Variants in MCM8 observed in about 807,000 individuals in gnomAD.
MCM8 encodes DNA helicase MCM8.
A neutral mutation model predicts 98.9 loss-of-function variants in MCM8; 85 were observed. That is an observed-to-expected ratio of 0.86 (90% CI 0.72 to 1.03). The LOEUF is 1.03. Ranked by LOEUF, MCM8 falls within the 50% of genes least tolerant of loss-of-function variation. The probability of loss-of-function intolerance (pLI) is 0.00; values close to 1 mark genes in which losing one functional copy is unlikely to be tolerated. For synonymous variants in MCM8, 352 were observed against 338.6 expected (o/e 1.04, Z -0.44); for missense variants, 951 against 997.8 (o/e 0.95, Z 0.63).
At chr20:5,968,477 G>A (rs2089327472) in intron 10 of MCM8, among the ~76,000 whole-genome samples, 1 of 152,202 alleles carries the variant, frequency 6.6e-6, no homozygotes, top group South Asian at 2.1e-4. Flanking sequence ...CCGGGAGATG[G>A]AGATTGCAGT....
At chr20:5,952,661 A>C (rs2088864600) in intron 3 of MCM8, 133 bp downstream of exon 3, 4 of 738,866 alleles carry the variant, frequency 5.4e-6, no homozygotes, top group Non-Finnish European at 8.8e-6. Flanking sequence ...CCAAACAATT[A>C]AATGATGTTT....
At chr20:5,954,729 A>C in intron 4 of MCM8, 39 bp downstream of exon 4, 1 of 1,217,664 alleles carries the variant, frequency 8.2e-7, no homozygotes, top group Non-Finnish European at 1.2e-6. Flanking sequence ...GTCATGTGCC[A>C]TCTTACCAAT....
At chr20:5,960,839 G>A (rs749045004) in intron 7 of MCM8, among the ~76,000 whole-genome samples, 12 of 152,298 alleles carry the variant, frequency 7.9e-5, no homozygotes, top group Middle Eastern at 3.4e-3. Context: ...GGAGGCTGAG[G>A]CCGGAGAATC....
chr20:5,993,970 G>A (rs980340740), intron 18 of MCM8: 17 of 344,886 alleles, frequency 4.9e-5, no homozygotes, highest in Non-Finnish European at 6.8e-5. Context: ...CAAAGTTCTC[G>A]TGAAAATCAA....
rs553206036 is a variant in MCM8 at position 5,959,253 on chromosome 20, TTTTAGCTTAATTTGTA to T, written c.789+528_789+543del. Among the ~76,000 whole-genome samples, 133 of 152,338 alleles carry T rather than the reference TTTTAGCTTAATTTGTA, an allele frequency of 8.7e-4. 1 individual carries two copies. The South Asian group carries it at 0.019, about 22-fold the overall frequency. ...TATGATTTGGCAAATATTAATATTATTTTAGCTTAATTTGTAACAAAAATATGGTTATATAAAGTTG... is the reference window on the plus strand; with the variant it reads ...TATGATTTGGCAAATATTAATATTATACAAAAATATGGTTATATAAAGTTG... On this transcript the variant is annotated intron_variant, in intron 7 of 18. Transcript: ENST00000610722.
intron 7 of MCM8, among the ~76,000 whole-genome samples, chr20:5,958,963 A>G: frequency 6.6e-6 from 1 of 151,624 alleles, no homozygotes; most frequent in South Asian, 2.1e-4. Context: ...TTTTAATGAT[A>G]TAAAGCATTA....
In MCM8 at chr20:5,965,157, A is replaced by C. The variant is rs541521539; in HGVS notation, c.875+1798A>C. The C allele has an allele frequency of 1.6e-4, 25 of 152,368 alleles. 1 individual carries two copies. The highest frequency in any genetic ancestry group is 1.4e-3 in the Admixed American group (21 of 15,302). 9.4% of individuals were successfully genotyped at this position (152,368 alleles called of 1,614,324 possible). On this transcript the variant is annotated intron_variant, in intron 8 of 18. Coordinates refer to ENST00000610722, the MANE Select transcript of MCM8 (RefSeq NM_032485.6). ...TAACAAAAACAATAAACAGGCATTT[A>C]CATTTTTATGTTAATAAAAATGCCC...
chr20:5,981,427 A>G (rs1397036105), intron 13 of MCM8, among the ~76,000 whole-genome samples: 3 of 152,216 alleles, frequency 2.0e-5, no homozygotes, highest in African/African-American at 7.2e-5. Context: ...AATATGGGAC[A>G]CATTCCCAAC....
Position 5,953,071 on chromosome 20 carries a change from A to G in MCM8, c.253+543A>G, listed in dbSNP as rs77978352. ...GGGGCATGACTCAGTGGTGCTTGGA[A>G]CTGGAGGCTAGCACTATCGTTATCT... On this transcript the variant is annotated intron_variant, in intron 3 of 18. Transcript: ENST00000610722. Among the ~76,000 whole-genome samples, 1,306 of 152,314 alleles carry G rather than the reference A, an allele frequency of 8.6e-3. 9 individuals are homozygous for G. Among genetic ancestry groups the G allele is most frequent in the Non-Finnish European group, 0.011 (737 of 68,014 alleles).
intron 7 of MCM8, among the ~76,000 whole-genome samples, chr20:5,961,305 T>A (rs1483804604): frequency 1.3e-5 from 2 of 152,234 alleles, no homozygotes; most frequent in African/African-American, 4.8e-5. Flanking sequence ...GGATGTATAA[T>A]GTTTCCTCGG....
chr20:5,982,251 G>A (rs868538570), intron 13 of MCM8, among the ~76,000 whole-genome samples: 4 of 152,172 alleles, frequency 2.6e-5, no homozygotes, highest in African/African-American at 9.6e-5. Context: ...CTAATCAGCA[G>A]TTATTTTCCA....
Position 5,950,652 on chromosome 20 carries a change from C to A in MCM8, c.-377C>A, listed in dbSNP as rs761418425. On this transcript the variant is annotated 5_prime_UTR_variant, in exon 1 of 19. Transcript: ENST00000610722. ...CCCCGCCCCTCTCGTCTTGCCGCTT[C>A]TTTGAGCGGAAGTTGGATCACTGAA... is the stretch of plus-strand genomic sequence containing the variant. 2.5e-6 allele frequency: 1 copy of A among 405,328 alleles called. No homozygotes were observed. The highest frequency in any genetic ancestry group is 4.4e-6 in the Non-Finnish European group (1 of 226,546). The allele number at this position is 405,328 out of a possible 1,614,324, so 25.1% of individuals were successfully genotyped here.
At chr20:5,975,406 G>T (rs533328468) in intron 12 of MCM8, among the ~76,000 whole-genome samples, 1 of 152,056 alleles carries the variant, frequency 6.6e-6, no homozygotes. Flanking sequence ...TTATAGGTGG[G>T]AGCCTGTTTT....
chr20:5,951,877 T>C (rs1164355664), intron 1 of MCM8, 134 bp from the exon 2 acceptor site: 4 of 948,566 alleles, frequency 4.2e-6, no homozygotes, highest in Non-Finnish European at 6.1e-6. Context: ...GTATCATAGC[T>C]GTACAACTTT....
chr20:5,975,086 C>T (rs555455914), intron 12 of MCM8, among the ~76,000 whole-genome samples: 50 of 152,184 alleles, frequency 3.3e-4, no homozygotes, highest in Non-Finnish European at 6.5e-4. Flanking sequence ...AAGTGAGACC[C>T]TATCTCTACA....
At chr20:5,980,371 C>T (rs1330338062) in intron 13 of MCM8, among the ~76,000 whole-genome samples, 1 of 152,008 alleles carries the variant, frequency 6.6e-6, no homozygotes, top group African/African-American at 2.4e-5. Flanking sequence ...GAACATAGTA[C>T]TGGTATATAG....
In MCM8 at chr20:5,994,770, A is replaced by G; in HGVS notation, c.*379A>G. On this transcript the variant is annotated 3_prime_UTR_variant, in exon 19 of 19. Transcript: ENST00000610722. ...AAAAAAAATTTAAACTTAGCTGGGT[A>G]TGGTGGCACATGCCTATAGTCTCAG... 2.2e-6 allele frequency: 1 copy of G among 448,980 alleles called. No homozygotes were observed. The highest frequency in any genetic ancestry group is 4.4e-6 in the Non-Finnish European group (1 of 225,002). 27.8% of individuals were successfully genotyped at this position (448,980 alleles called of 1,614,324 possible).
At chr20:5,968,146 T>A in intron 10 of MCM8, 121 bp downstream of exon 10, 2 of 677,704 alleles carry the variant, frequency 3.0e-6, no homozygotes, top group Non-Finnish European at 5.0e-6. Flanking sequence ...CCAAATACAG[T>A]ACTCCATCCC....
In MCM8 at chr20:5,952,030, T is replaced by C; in HGVS notation, c.15T>C (p.Tyr5=). 2 of 1,613,692 alleles carry C rather than the reference T, an allele frequency of 1.2e-6. No individual in the cohort carries two copies. The highest frequency in any genetic ancestry group is 1.7e-6 in the Non-Finnish European group (2 of 1,179,750). The change falls in exon 2 of 19, where the codon TAT becomes TAC. Residue 5 remains tyrosine, a synonymous_variant. Transcript: ENST00000610722. ...TTTTAGGAGAGATGAATGGAGAGTA[T>C]AGAGGCAGAGGATTTGGACGAGGAA... The part of the protein sequence containing the change: MNGE[Y]RGRGFGRGRF...
Sources: allele counts gnomAD v4.1 joint callset (sites outside exome capture counted in the v4.1 genomes callset), GRCh38; gene constraint gnomAD v4.1.1; transcripts MANE v1.5; gene names NCBI Gene and HGNC (gene_info 2026-07-23, HGNC 2026-07-21).